Variants in EVI5 observed in about 807,000 individuals in gnomAD.
EVI5 encodes ecotropic viral integration site 5 protein homolog.
Under a neutral mutation model 112.0 loss-of-function variants are expected in EVI5, and 73 were observed. The ratio of observed to expected loss-of-function variants is 0.65; its 90% CI spans 0.54 to 0.79. The LOEUF (loss-of-function observed/expected upper bound fraction) is 0.79. Among genes scored for constraint, EVI5 ranks in the 30% least tolerant of loss-of-function variants. The pLI, the probability that EVI5 is intolerant of heterozygous loss-of-function variation, is 0.00. For missense variants in EVI5, 900 were observed against 968.8 expected, an observed-to-expected ratio of 0.93 and a Z score of 0.94; for synonymous variants, 305 against 319.9, an observed-to-expected ratio of 0.95 and a Z score of 0.50.
intron 13 of EVI5, among the ~76,000 whole-genome samples, chr1:92,648,207 A>C (rs1200825015): frequency 4.9e-4 from 1 of 2,032 alleles, no homozygotes; most frequent in Non-Finnish European, 1.0e-3. Flanking sequence ...AAAAAAAAAA[A>C]AAAAAAAAAA....
chr1:92,736,564 A>G lies in EVI5; in HGVS notation c.-18T>C, dbSNP rs1677469259. ...CTGGCCATCTGACTGACTGTATGCG[A>G]TACTGTGTTCTTCACCCATGAGAGA... On this transcript the variant is annotated 5_prime_UTR_variant, in exon 2 of 20. Coordinates refer to ENST00000684568, the MANE Select transcript of EVI5 (RefSeq NM_001350197.2). The G allele has an allele frequency of 6.2e-7, 1 of 1,614,002 alleles. No homozygotes were observed. The highest frequency in any genetic ancestry group is 1.7e-5 in the Admixed American group (1 of 60,006).
At chr1:92,685,427 C>G (rs897243942) in intron 9 of EVI5, among the ~76,000 whole-genome samples, 1 of 152,128 alleles carries the variant, frequency 6.6e-6, no homozygotes, top group Non-Finnish European at 1.5e-5. Context: ...ATTTATAGCA[C>G]TAAATGCCCA....
chr1:92,751,208 C>A (rs1315354476), intron 1 of EVI5, among the ~76,000 whole-genome samples: 2 of 152,122 alleles, frequency 1.3e-5, no homozygotes, highest in Non-Finnish European at 2.9e-5. Flanking sequence ...TCAGTGTATG[C>A]ATTAACATGA....
intron 18 of EVI5, among the ~76,000 whole-genome samples, chr1:92,598,252 A>G (rs1648364457): frequency 1.3e-5 from 2 of 152,022 alleles, no homozygotes; most frequent in African/African-American, 4.8e-5. Flanking sequence ...GTTGAGGGGG[A>G]AGCGTAGGAG....
chr1:92,739,927 G>A (rs1678093954), intron 1 of EVI5, among the ~76,000 whole-genome samples: 1 of 149,526 alleles, frequency 6.7e-6, no homozygotes, highest in South Asian at 2.1e-4. Context: ...CCATCACCGA[G>A]AGTCAAAAAC....
At chr1:92,755,533 A>C (rs1680825820) in intron 1 of EVI5, among the ~76,000 whole-genome samples, 1 of 152,228 alleles carries the variant, frequency 6.6e-6, no homozygotes, top group African/African-American at 2.4e-5. Flanking sequence ...GTTTAGAACG[A>C]CTATTTGGAA....
intron 18 of EVI5, among the ~76,000 whole-genome samples, chr1:92,587,330 T>C (rs1672964513): frequency 2.0e-5 from 3 of 151,442 alleles, no homozygotes; most frequent in South Asian, 2.1e-4. Flanking sequence ...ATGAAAAATA[T>C]TTTAATATTT....
chr1:92,554,487 T>A (rs982775517), intron 19 of EVI5, among the ~76,000 whole-genome samples: 14 of 152,168 alleles, frequency 9.2e-5, no homozygotes, highest in African/African-American at 3.4e-4. Flanking sequence ...TAAGAACACT[T>A]CTGGTTTAAA....
At chr1:92,562,315 G>A (rs1668757861) in intron 19 of EVI5, among the ~76,000 whole-genome samples, 1 of 152,072 alleles carries the variant, frequency 6.6e-6, no homozygotes, top group Non-Finnish European at 1.5e-5. Flanking sequence ...GGATCATGAG[G>A]TCAGGAGATC....
In EVI5 at chr1:92,665,960, C is replaced by T. The variant is rs747336090; in HGVS notation, c.1191G>A (p.Gln397=). 2 of 1,607,810 alleles carry T rather than the reference C, an allele frequency of 1.2e-6. No individual in the cohort carries two copies. Among genetic ancestry groups the T allele is most frequent in the Non-Finnish European group, 1.7e-6 (2 of 1,177,820 alleles). ...TTACTTTTTCTAATGTCTCGATGCG[C>T]TGTTTTAAAAGTCTATTTTCTGTGC... is the stretch of plus-strand genomic sequence containing the variant. ...RLRTENRLLK[Q]RIETLEKESA... Residue 397 remains glutamine, a synonymous_variant, in exon 11 of 20, where the codon CAG becomes CAA. Coordinates refer to ENST00000684568, the MANE Select transcript of EVI5 (RefSeq NM_001350197.2).
intron 1 of EVI5, among the ~76,000 whole-genome samples, chr1:92,747,209 G>A (rs1268746537): frequency 6.6e-6 from 1 of 152,050 alleles, no homozygotes; most frequent in African/African-American, 2.4e-5. Context: ...GGTATCATAA[G>A]TAATCTAGAA....
chr1:92,550,744 C>T (rs1324038623), intron 19 of EVI5, among the ~76,000 whole-genome samples: 1 of 14,154 alleles, frequency 7.1e-5, no homozygotes, highest in Non-Finnish European at 1.2e-4. Flanking sequence ...GAGACTCCGT[C>T]TCAAAAAAAA....
At chr1:92,630,017 A>G (rs566120382) in intron 14 of EVI5, among the ~76,000 whole-genome samples, 324 of 152,270 alleles carry the variant, frequency 2.1e-3, no homozygotes, top group African/African-American at 7.4e-3. Flanking sequence ...TAATGGCTGC[A>G]TAGTATTCCA....
intron 19 of EVI5, among the ~76,000 whole-genome samples, chr1:92,551,581 T>C (rs540006296): frequency 1.6e-4 from 24 of 152,182 alleles, no homozygotes; most frequent in Non-Finnish European, 2.1e-4. Flanking sequence ...CCTATTAGTA[T>C]CACTCAAATG....
intron 9 of EVI5, among the ~76,000 whole-genome samples, chr1:92,692,699 T>G (rs554041533): frequency 6.6e-6 from 1 of 152,202 alleles, no homozygotes; most frequent in Non-Finnish European, 1.5e-5. Flanking sequence ...AAAAGCTAAC[T>G]AATTTTAATA....
intron 18 of EVI5, among the ~76,000 whole-genome samples, chr1:92,586,120 A>G (rs1672736862): frequency 6.6e-6 from 1 of 152,206 alleles, no homozygotes; most frequent in South Asian, 2.1e-4. Flanking sequence ...ATGTCACATG[A>G]TATCAAGGGT....
intron 13 of EVI5, among the ~76,000 whole-genome samples, chr1:92,646,682 A>G (rs1295644830): frequency 1.3e-5 from 2 of 152,234 alleles, no homozygotes; most frequent in African/African-American, 2.4e-5. Flanking sequence ...CAATAACCGT[A>G]TAGTTAATAC....
intron 18 of EVI5, among the ~76,000 whole-genome samples, chr1:92,601,679 T>C (rs1649208373): frequency 6.6e-6 from 1 of 152,110 alleles, no homozygotes; most frequent in South Asian, 2.1e-4. Context: ...CAGAGTAGAA[T>C]GGTGGTTACC....
intron 10 of EVI5, among the ~76,000 whole-genome samples, chr1:92,667,449 A>G (rs932068875): frequency 2.0e-5 from 3 of 152,220 alleles, no homozygotes; most frequent in Non-Finnish European, 4.4e-5. Flanking sequence ...AAGTAAAACC[A>G]GATTTTTTTG....
Sources: allele counts gnomAD v4.1 joint callset (sites outside exome capture counted in the v4.1 genomes callset), GRCh38; gene constraint gnomAD v4.1.1; transcripts MANE v1.5; gene names NCBI Gene and HGNC (gene_info 2026-07-23, HGNC 2026-07-21).